Variants in SLC20A2 observed in about 807,000 individuals in gnomAD.
SLC20A2 encodes the protein sodium-dependent phosphate transporter 2.
SLC20A2 carries 30 observed loss-of-function variants against 61.0 expected under a neutral mutation model. The ratio of observed to expected loss-of-function variants is 0.49; its 90% CI spans 0.37 to 0.67. SLC20A2 has a LOEUF of 0.67. Ranked by LOEUF, SLC20A2 falls within the 30% of genes least tolerant of loss-of-function variation. The probability of loss-of-function intolerance (pLI) is 0.00; values close to 1 mark genes in which losing one functional copy is unlikely to be tolerated. For missense variants in SLC20A2, 626 were observed against 866.4 expected, an observed-to-expected ratio of 0.72 and a Z score of 3.48; for synonymous variants, 351 against 353.3, an observed-to-expected ratio of 0.99 and a Z score of 0.07.
chr8:42,474,476 T>A (rs1015802446), intron 1 of SLC20A2, among the ~76,000 whole-genome samples: 3 of 152,022 alleles, frequency 2.0e-5, no homozygotes, highest in Non-Finnish European at 4.4e-5. Flanking sequence ...GTGAGACAAA[T>A]GAAAAGACCA....
intron 10 of SLC20A2, among the ~76,000 whole-genome samples, chr8:42,420,072 G>C (rs1802940144): frequency 6.6e-6 from 1 of 151,978 alleles, no homozygotes; most frequent in African/African-American, 2.4e-5. Context: ...TGTAGTCCCA[G>C]CTACTTGGGT....
At chr8:42,532,320 C>A (rs759756409) in intron 1 of SLC20A2, among the ~76,000 whole-genome samples, 1 of 152,146 alleles carries the variant, frequency 6.6e-6, no homozygotes, top group Non-Finnish European at 1.5e-5. Flanking sequence ...AACAATGAGT[C>A]CTTTTATAGC....
At chr8:42,499,682 A>G (rs2131343655) in intron 1 of SLC20A2, among the ~76,000 whole-genome samples, 1 of 152,332 alleles carries the variant, frequency 6.6e-6, no homozygotes, top group Non-Finnish European at 1.5e-5. Flanking sequence ...ATGGTGCCTT[A>G]TTAACAATTA....
intron 5 of SLC20A2, among the ~76,000 whole-genome samples, chr8:42,457,005 T>C (rs1447037593): frequency 1.3e-5 from 2 of 151,568 alleles, no homozygotes; most frequent in Admixed American, 6.6e-5. Flanking sequence ...CTCACTGCAA[T>C]CTCCACCTCC....
chr8:42,539,092 A>C (rs1045918245), intron 1 of SLC20A2, among the ~76,000 whole-genome samples: 1 of 151,652 alleles, frequency 6.6e-6, no homozygotes, highest in Non-Finnish European at 1.5e-5. Flanking sequence ...ACAACTCTCA[A>C]CTCCTCCCCT....
chr8:42,536,290 C>T (rs980316030), intron 1 of SLC20A2: 18 of 152,126 alleles, frequency 1.2e-4, no homozygotes, highest in Middle Eastern at 3.2e-3. Flanking sequence ...CTGAAGCTAC[C>T]CCCAAGATAA....
chr8:42,524,767 CAA>C (rs2131410675), intron 1 of SLC20A2, among the ~76,000 whole-genome samples: 1 of 150,064 alleles, frequency 6.7e-6, no homozygotes, highest in Admixed American at 6.7e-5. Flanking sequence ...GCTTAAGCAA[CAA>C]GAGCAAAACT....
intron 10 of SLC20A2, among the ~76,000 whole-genome samples, chr8:42,422,845 C>T (rs982090406): frequency 5.3e-5 from 8 of 152,142 alleles, no homozygotes. Context: ...CAGTTCTCTT[C>T]TCTGTTGTTA....
chr8:42,439,923 A>G (rs1804637614), intron 6 of SLC20A2, among the ~76,000 whole-genome samples: 2 of 152,074 alleles, frequency 1.3e-5, no homozygotes, highest in Non-Finnish European at 2.9e-5. Flanking sequence ...CGTCTCTACT[A>G]AAAATATAAA....
intron 1 of SLC20A2, among the ~76,000 whole-genome samples, chr8:42,485,499 G>C (rs961851275): frequency 6.6e-6 from 1 of 151,850 alleles, no homozygotes; most frequent in Non-Finnish European, 1.5e-5. Context: ...AAAATTGGCC[G>C]GGTGTAGTGG....
At chr8:42,441,708 C>A (rs1804797710) in intron 6 of SLC20A2, among the ~76,000 whole-genome samples, 1 of 151,714 alleles carries the variant, frequency 6.6e-6, no homozygotes, top group Non-Finnish European at 1.5e-5. Flanking sequence ...ACCTTGTGAT[C>A]CACCCACCTC....
chr8:42,449,423 G>A (rs1805480206), intron 5 of SLC20A2, among the ~76,000 whole-genome samples: 1 of 152,170 alleles, frequency 6.6e-6, no homozygotes, highest in African/African-American at 2.4e-5. Flanking sequence ...AAGATTAGAC[G>A]AATATTCAAG....
At chr8:42,436,329 A>G (rs1286751172) in intron 8 of SLC20A2, among the ~76,000 whole-genome samples, 2 of 152,124 alleles carry the variant, frequency 1.3e-5, no homozygotes, top group African/African-American at 4.8e-5. Flanking sequence ...GAATAGCAGC[A>G]TCGCGCCCTG....
At position 42,440,555 on chromosome 8, in the gene SLC20A2, T is replaced by C. The variant is rs908806760; in HGVS notation, c.731-902A>G. Among the ~76,000 whole-genome samples, 5 of 152,338 alleles carry C rather than the reference T, an allele frequency of 3.3e-5. No individual in the cohort carries two copies. The East Asian group carries it at 7.7e-4, about 23-fold the overall frequency. On this transcript the variant is annotated intron_variant, in intron 6 of 10. Transcript: ENST00000520262. Reference sequence around the variant, plus strand: ...TGTGGATAATGTGGGTTTTTGGAGATTGCATATAAAGGTGCTATAAACATT... The same window carrying C: ...TGTGGATAATGTGGGTTTTTGGAGACTGCATATAAAGGTGCTATAAACATT...
chr8:42,449,488 T>G (rs1197034019), intron 5 of SLC20A2, among the ~76,000 whole-genome samples: 1 of 152,230 alleles, frequency 6.6e-6, no homozygotes, highest in African/African-American at 2.4e-5. Flanking sequence ...TCCATTGTTA[T>G]TGCCTTGTTG....
intron 10 of SLC20A2, among the ~76,000 whole-genome samples, chr8:42,423,883 T>C (rs1803210738): frequency 6.6e-6 from 1 of 152,188 alleles, no homozygotes; most frequent in African/African-American, 2.4e-5. Flanking sequence ...CATCATCAGG[T>C]ACTTATAGCA....
At chr8:42,527,723 G>A (rs1249368526) in intron 1 of SLC20A2, among the ~76,000 whole-genome samples, 4 of 151,928 alleles carry the variant, frequency 2.6e-5, no homozygotes, top group South Asian at 2.1e-4. Flanking sequence ...AGCCGAGATC[G>A]CGCCACTGCA....
intron 9 of SLC20A2, among the ~76,000 whole-genome samples, chr8:42,429,686 G>A (rs181875033): frequency 8.5e-4 from 130 of 152,302 alleles, no homozygotes; most frequent in African/African-American, 2.7e-3. Flanking sequence ...GAGAGCTGGG[G>A]TGGCCAGAGA....
Position 42,539,508 on chromosome 8 carries a change from G to A in SLC20A2, c.-265+2313C>T, listed in dbSNP as rs548790471. The stretch of plus-strand genomic sequence containing the variant: ...CATTTAAAGGCAAACTAAAAACTTA[G>A]ACACACAAATCTTTCACAACTAGCT... On this transcript the variant is annotated intron_variant, in intron 1 of 10. Coordinates refer to the SLC20A2 transcript ENST00000342228. 7.9e-5 allele frequency among the ~76,000 whole-genome samples: 12 copies of A among 152,280 alleles called. No homozygotes were observed. In the South Asian group the frequency reaches 2.5e-3, roughly 32 times the overall value.
Sources: allele counts gnomAD v4.1 joint callset (sites outside exome capture counted in the v4.1 genomes callset), GRCh38; gene constraint gnomAD v4.1.1; transcripts MANE v1.5; gene names NCBI Gene and HGNC (gene_info 2026-07-23, HGNC 2026-07-21).